Variants in SRGAP1 observed in about 807,000 individuals in gnomAD.
The protein encoded by SRGAP1 is SLIT-ROBO Rho GTPase-activating protein 1.
In SRGAP1, 43 loss-of-function variants were observed where a neutral mutation model predicts 121.9. That is an observed-to-expected ratio of 0.35 (90% CI 0.28 to 0.46). SRGAP1 has a LOEUF of 0.46. Among genes scored for constraint, SRGAP1 ranks in the 20% least tolerant of loss-of-function variants. The probability of loss-of-function intolerance (pLI) is 1.00; values close to 1 mark genes in which losing one functional copy is unlikely to be tolerated. For missense variants in SRGAP1, 1,102 were observed against 1,350.9 expected (o/e 0.82, Z 2.89); for synonymous variants, 447 against 485.4 (o/e 0.92, Z 1.04).
At chr12:63,975,205 A>C (rs1047148234) in intron 1 of SRGAP1, among the ~76,000 whole-genome samples, 7 of 152,332 alleles carry the variant, frequency 4.6e-5, no homozygotes, top group African/African-American at 1.7e-4. Context: ...GCTCCAAAGA[A>C]ATCGTCCCTT....
At chr12:63,999,776 A>T (rs1159445126) in intron 3 of SRGAP1, among the ~76,000 whole-genome samples, 3 of 152,140 alleles carry the variant, frequency 2.0e-5, no homozygotes, top group Admixed American at 2.0e-4. Flanking sequence ...AGAGATCAAG[A>T]CTAGAGAGTT....
At chr12:64,032,519 T>A in intron 4 of SRGAP1, 1 of 1,209,776 alleles carries the variant, frequency 8.3e-7, no homozygotes, top group East Asian at 2.4e-5. Flanking sequence ...GGAGCAGGCC[T>A]GGGCCAGCAC....
intron 8 of SRGAP1, among the ~76,000 whole-genome samples, chr12:64,069,173 A>G (rs181208964): frequency 9.2e-5 from 14 of 152,196 alleles, no homozygotes; most frequent in Non-Finnish European, 4.4e-5. Context: ...CCTGTTTGCC[A>G]TGTTCTCCAC....
rs567266416 is a variant in SRGAP1, at chr12:63,972,307, T to C, written c.68-11640T>C. Among the ~76,000 whole-genome samples the C allele has an allele frequency of 3.3e-5, 5 of 152,350 alleles. No individual in the cohort carries two copies. In the East Asian group the frequency reaches 9.6e-4, roughly 29 times the overall value. On this transcript the variant is annotated intron_variant, in intron 1 of 21. Coordinates refer to ENST00000355086, the MANE Select transcript of SRGAP1 (RefSeq NM_020762.4). ...TTGTGGTAGAAGTAGATAAATAAAA[T>C]ATACTTTTATTTCAGAGATGTTTAG...
rs1200421996 is a variant in SRGAP1 at position 64,153,489 on chromosome 12, G to C, written c.*10817G>C. 6.8e-6 allele frequency: 1 copy of C among 146,274 alleles called. No homozygotes were observed. The highest frequency in any genetic ancestry group is 1.5e-5 in the Non-Finnish European group (1 of 67,146). The allele number at this position is 146,274 out of a possible 1,614,324, so 9.1% of individuals were successfully genotyped here. On this transcript the variant is annotated 3_prime_UTR_variant, in exon 22 of 22. Coordinates refer to ENST00000355086, the MANE Select transcript of SRGAP1 (RefSeq NM_020762.4). The stretch of plus-strand genomic sequence containing the variant: ...CTCCATCTCAAAAAAAAAAAAAAAA[G>C]TAAGGTACTTAGATGTCATTCTAAG...
At chr12:63,912,483 A>G (rs1176565530) in intron 1 of SRGAP1, among the ~76,000 whole-genome samples, 2 of 152,052 alleles carry the variant, frequency 1.3e-5, no homozygotes, top group East Asian at 1.9e-4. Context: ...GCGTGGTGGC[A>G]TGAGCCTGTA....
At position 63,973,939 on chromosome 12, in the gene SRGAP1, CT is replaced by C. The variant is rs1461787319; in HGVS notation, c.68-10004del. The stretch of plus-strand genomic sequence containing the variant: ...GTCAGTAACACAGTCATTCCAAATG[CT>C]TTTCAGGAACACAGTCATTCCAAAA... On this transcript the variant is annotated intron_variant, in intron 1 of 21. Coordinates refer to ENST00000355086, the MANE Select transcript of SRGAP1 (RefSeq NM_020762.4). 4.6e-5 allele frequency among the ~76,000 whole-genome samples: 7 copies of C among 152,278 alleles called. No individual in the cohort carries two copies. The East Asian group carries it at 1.4e-3, about 29-fold the overall frequency.
At chr12:64,121,007 C>CTTTTTTTTT (rs35809572) in intron 18 of SRGAP1, among the ~76,000 whole-genome samples, 6 of 116,010 alleles carry the variant, frequency 5.2e-5, no homozygotes, top group Non-Finnish European at 5.6e-5. Context: ...TTCTTTGTGT[C>CTTTTTTTTT]TTTTTTTTTT....
intron 6 of SRGAP1, among the ~76,000 whole-genome samples, chr12:64,046,724 G>C (rs1219412338): frequency 1.3e-5 from 2 of 152,130 alleles, no homozygotes; most frequent in Non-Finnish European, 2.9e-5. Context: ...TCAGACATCT[G>C]TGTGGAGATG....
At chr12:64,122,111 A>G (rs789726) in intron 18 of SRGAP1, among the ~76,000 whole-genome samples, 1,628 of 152,298 alleles carry the variant, frequency 0.011, 34 homozygotes, top group African/African-American at 0.037. Context: ...GTGTGATCAC[A>G]TTTTATATAA....
intron 7 of SRGAP1, among the ~76,000 whole-genome samples, chr12:64,063,655 A>G (rs1163726431): frequency 6.9e-6 from 1 of 144,336 alleles, no homozygotes; most frequent in Non-Finnish European, 1.5e-5. Context: ...ATGTTATTTT[A>G]CCAAAAAAAA....
At chr12:64,056,713 T>C (rs2035350516) in intron 6 of SRGAP1, among the ~76,000 whole-genome samples, 1 of 152,202 alleles carries the variant, frequency 6.6e-6, no homozygotes. Context: ...GTGTCATCTC[T>C]TGCAACTTTT....
intron 2 of SRGAP1, among the ~76,000 whole-genome samples, chr12:63,986,548 C>T (rs1268233314): frequency 1.3e-5 from 2 of 151,992 alleles, no homozygotes; most frequent in Non-Finnish European, 2.9e-5. Context: ...CTCAGTCTCC[C>T]GAGTAGCAGG....
chr12:64,039,958 A>G (rs1472014962), intron 4 of SRGAP1, among the ~76,000 whole-genome samples: 1 of 149,342 alleles, frequency 6.7e-6, no homozygotes, highest in Non-Finnish European at 1.5e-5. Flanking sequence ...CACACGGCTC[A>G]GAAAAAGCTG....
intron 4 of SRGAP1, among the ~76,000 whole-genome samples, chr12:64,020,250 A>G (rs1308628823): frequency 1.3e-5 from 2 of 152,152 alleles, no homozygotes; most frequent in East Asian, 3.9e-4. Context: ...TTACCAGGCC[A>G]GATTGTGCAG....
chr12:63,908,899 C>CT (rs943184421), intron 1 of SRGAP1, among the ~76,000 whole-genome samples: 56 of 146,288 alleles, frequency 3.8e-4, no homozygotes, highest in Middle Eastern at 3.6e-3. Flanking sequence ...CAATAATAAT[C>CT]TTTTTTTTTT....
intron 1 of SRGAP1, among the ~76,000 whole-genome samples, chr12:63,851,520 T>TAA (rs1388765896): frequency 6.6e-6 from 1 of 151,930 alleles, no homozygotes; most frequent in African/African-American, 2.4e-5. Flanking sequence ...TCTCTAAGAG[T>TAA]CAATTTCTTC....
intron 1 of SRGAP1, among the ~76,000 whole-genome samples, chr12:63,858,568 T>A (rs777869063): frequency 8.5e-5 from 13 of 152,210 alleles, no homozygotes; most frequent in Admixed American, 3.3e-4. Context: ...TCATTGAGAG[T>A]TCAGTAGAAC....
intron 1 of SRGAP1, among the ~76,000 whole-genome samples, chr12:63,946,273 T>C (rs975037974): frequency 7.2e-5 from 11 of 151,788 alleles, no homozygotes; most frequent in Admixed American, 3.3e-4. Flanking sequence ...TTTGGATTTA[T>C]GAATGGCTTC....
Sources: gnomAD v4.1 joint callset for allele counts (sites outside exome capture counted in the v4.1 genomes callset) on GRCh38, gnomAD v4.1.1 for gene constraint, MANE v1.5 for transcripts, NCBI Gene and HGNC (gene_info 2026-07-23, HGNC 2026-07-21) for gene names.